ART1: variants seen among roughly 807,000 people sequenced by gnomAD.
ART1 encodes the protein GPI-linked NAD(P)(+)--arginine ADP-ribosyltransferase 1.
Under a neutral mutation model 27.0 loss-of-function variants are expected in ART1, and 29 were observed. The ratio of observed to expected loss-of-function variants is 1.08; its 90% CI spans 0.80 to 1.47. ART1 has a LOEUF of 1.47. ART1 is among the 40% of genes most tolerant of loss of function. ART1 has a pLI of 0.00. For missense variants in ART1, 480 were observed against 423.0 expected, an observed-to-expected ratio of 1.13 and a Z score of -1.18; for synonymous variants, 201 against 172.2, an observed-to-expected ratio of 1.17 and a Z score of -1.31.
At chr11:3,662,890 G>A (rs1041346978) in intron 4 of ART1, among the ~76,000 whole-genome samples, 2 of 152,146 alleles carry the variant, frequency 1.3e-5, no homozygotes, top group Non-Finnish European at 2.9e-5. Flanking sequence ...GTGCAGAGGA[G>A]AAGCAACTGG....
intron 1 of ART1, 144 bp downstream of exon 1, chr11:3,645,323 G>A (rs958937810): frequency 2.6e-5 from 4 of 152,180 alleles, no homozygotes; most frequent in African/African-American, 9.7e-5. Context: ...ACCTAGGAAG[G>A]TTGGGAGCCA....
rs1330525152 is a variant in ART1 at position 3,664,103 on chromosome 11, A to G, written c.898A>G (p.Ser300Gly). The G allele has an allele frequency of 1.9e-6, 3 of 1,613,626 alleles. No individual in the cohort carries two copies. The highest frequency in any genetic ancestry group is 1.3e-5 in the African/African-American group (1 of 74,902). The change falls in exon 5 of 5, where the codon AGC (serine) becomes GGC (glycine). Residue 300 changes from serine to glycine, a missense_variant. Physicochemically the swap from Ser to Gly is moderately conservative, Grantham distance 56 (BLOSUM62 0). Coordinates refer to ENST00000250693, the MANE Select transcript of ART1 (RefSeq NM_004314.3). ...CHLDNSAMGQ[S>G]PLSAVWSLLL... ...TGTTTTCCCTGCAGCCATGGGTCAG[A>G]GCCCCCTCTCTGCAGTCTGGTCTTT... is the stretch of plus-strand genomic sequence containing the variant.
intron 1 of ART1, among the ~76,000 whole-genome samples, chr11:3,650,746 G>A (rs2077514893): frequency 6.6e-6 from 1 of 151,456 alleles, no homozygotes; most frequent in Non-Finnish European, 1.5e-5. Context: ...CTATTCCTGG[G>A]CTACAGCCAC....
In ART1 at chr11:3,659,720, G is replaced by A. The variant is rs376176124; in HGVS notation, c.201G>A (p.Thr67=). The A allele has an allele frequency of 7.1e-5, 115 of 1,613,878 alleles. No homozygotes were observed. The highest frequency in any genetic ancestry group is 9.4e-5 in the Non-Finnish European group (111 of 1,180,004). Residue 67 remains threonine (T), a synonymous_variant, in exon 3 of 5, where the codon ACG becomes ACA. Coordinates refer to ENST00000250693, the MANE Select transcript of ART1 (RefSeq NM_004314.3). ...MTAALPDLNH[T]EFQANQVYAD... is the part of the protein sequence containing the mutation. Reference sequence around the variant, plus strand: ...CTGCTCTCCCGGATCTCAACCACACGGAGTTCCAGGCCAACCAGGTGTATG... The same window carrying A: ...CTGCTCTCCCGGATCTCAACCACACAGAGTTCCAGGCCAACCAGGTGTATG...
At chr11:3,653,863 T>C (rs1589919977) in intron 1 of ART1, among the ~76,000 whole-genome samples, 1 of 39,244 alleles carries the variant, frequency 2.5e-5, no homozygotes. Flanking sequence ...CCTCTGTCTA[T>C]CCTCACTGCC....
At chr11:3,652,004 C>T (rs1336145584) in intron 1 of ART1, among the ~76,000 whole-genome samples, 4 of 151,664 alleles carry the variant, frequency 2.6e-5, no homozygotes, top group Admixed American at 2.0e-4. Flanking sequence ...CTCTTAGAAC[C>T]TCTCATTTCC....
At position 3,656,571 on chromosome 11, in the gene ART1, G is replaced by T. The variant is rs187562895; in HGVS notation, c.-52-2591G>T. Reference sequence around the variant, plus strand: ...CTAATTTTTGTATTTTTGTGGAGATGGGGTTTCACCACGTTGGCCAGGCTG... The same window carrying T: ...CTAATTTTTGTATTTTTGTGGAGATTGGGTTTCACCACGTTGGCCAGGCTG... On this transcript the variant is annotated intron_variant, in intron 1 of 4. Coordinates refer to ENST00000250693, the MANE Select transcript of ART1 (RefSeq NM_004314.3). Among the ~76,000 whole-genome samples the T allele has an allele frequency of 3.9e-3, 587 of 152,020 alleles. 5 individuals are homozygous for T. Among genetic ancestry groups the T allele is most frequent in the Middle Eastern group, 0.021 (6 of 292 alleles).
chr11:3,651,632 A>G (rs918907511), intron 1 of ART1, among the ~76,000 whole-genome samples: 2 of 151,798 alleles, frequency 1.3e-5, no homozygotes, highest in Admixed American at 6.6e-5. Flanking sequence ...ATCACAAACT[A>G]TGCTTAGCTC....
intron 1 of ART1, among the ~76,000 whole-genome samples, chr11:3,653,084 C>T (rs150814173): frequency 1.2e-4 from 18 of 148,078 alleles, no homozygotes; most frequent in Admixed American, 1.2e-3. Context: ...CTCTCCCACT[C>T]GAGGTTCCCA....
chr11:3,660,348 T>C lies in ART1; in HGVS notation c.829T>C (p.Cys277Arg), dbSNP rs1287626462. 6.2e-7 allele frequency: 1 copy of C among 1,601,280 alleles called. No individual in the cohort carries two copies. Among genetic ancestry groups the C allele is most frequent in the Non-Finnish European group, 8.5e-7 (1 of 1,178,606 alleles). ...CCTGGGCAAGCACAGCACCTACAAC[T>C]GCGAGTACATCAAAGGTAGGAGGGC... ...RALGKHSTYN[C>R]EYIKDKKCKS... The change falls in exon 3 of 5, where the codon TGC becomes CGC. Residue 277 changes from cysteine to arginine, a missense_variant. Cys to Arg is a radical substitution (Grantham distance 180, BLOSUM62 -3). Coordinates refer to ENST00000250693, the MANE Select transcript of ART1 (RefSeq NM_004314.3).
Position 3,660,026 on chromosome 11 carries a change from G to C in ART1, c.507G>C (p.Gln169His), listed in dbSNP as rs2077606718. 6.2e-7 allele frequency: 1 copy of C among 1,613,736 alleles called. No individual in the cohort carries two copies. Among genetic ancestry groups the C allele is most frequent in the African/African-American group, 1.3e-5 (1 of 74,944 alleles). Reference protein sequence around the residue: ...TEALQLLGSGQRPPRCHQVFR... With the variant: ...TEALQLLGSGHRPPRCHQVFR... ...CCCTGCAGCTCCTGGGCAGCGGCCAGCGTCCACCCCGGTGCCACCAGGTGT... is the reference window on the plus strand; with the variant it reads ...CCCTGCAGCTCCTGGGCAGCGGCCACCGTCCACCCCGGTGCCACCAGGTGT... The change falls in exon 3 of 5, where the codon CAG becomes CAC. Residue 169 changes from glutamine (Q) to histidine (H), a missense_variant. Transcript: ENST00000250693.
At chr11:3,650,638 T>G (rs1195421676) in intron 1 of ART1, among the ~76,000 whole-genome samples, 24 of 152,148 alleles carry the variant, frequency 1.6e-4, no homozygotes, top group African/African-American at 5.6e-4. Context: ...AGTGCCAACT[T>G]AGACAATACT....
intron 1 of ART1, among the ~76,000 whole-genome samples, chr11:3,655,170 C>T (rs924211764): frequency 6.6e-6 from 1 of 152,160 alleles, no homozygotes; most frequent in Non-Finnish European, 1.5e-5. Flanking sequence ...CTGTTCCTCA[C>T]GTGTTCATTC....
chr11:3,660,145 C>T lies in ART1; in HGVS notation c.626C>T (p.Ala209Val), dbSNP rs761164939. 2 of 1,613,872 alleles carry T rather than the reference C, an allele frequency of 1.2e-6. No individual in the cohort carries two copies. The highest frequency in any genetic ancestry group is 3.3e-5 in the Admixed American group (2 of 60,006). ...GCTTCTGCCTCCCTGAAGCATGTTG[C>T]AGCCCAGCAGTTTGGTGAGGACACC... ...GFASASLKHV[A>V]AQQFGEDTFF... Residue 209 changes from alanine (A) to valine (V), a missense_variant, in exon 3 of 5, where the codon GCA (alanine) becomes GTA (valine). Coordinates refer to ENST00000250693, the MANE Select transcript of ART1 (RefSeq NM_004314.3).
intron 1 of ART1, chr11:3,655,779 G>C (rs1236205851): frequency 6.6e-6 from 1 of 152,104 alleles, no homozygotes; most frequent in Admixed American, 6.6e-5. Flanking sequence ...CACCAGTCCT[G>C]GGGCATGTGT....
intron 4 of ART1, among the ~76,000 whole-genome samples, chr11:3,663,373 C>A (rs935652421): frequency 6.6e-6 from 1 of 152,206 alleles, no homozygotes; most frequent in East Asian, 1.9e-4. Flanking sequence ...AGGATTTCTC[C>A]TTCTAGTCCA....
intron 1 of ART1, among the ~76,000 whole-genome samples, chr11:3,649,528 T>C (rs1401140218): frequency 2.0e-5 from 3 of 152,152 alleles, no homozygotes; most frequent in Non-Finnish European, 4.4e-5. Context: ...CGCTGAGTCT[T>C]TCTAATCTTC....
At chr11:3,658,764 C>G (rs2077594026) in intron 1 of ART1, among the ~76,000 whole-genome samples, 2 of 152,198 alleles carry the variant, frequency 1.3e-5, no homozygotes, top group African/African-American at 2.4e-5. Flanking sequence ...CTGTGGCTGT[C>G]AAGTCCTTTC....
chr11:3,660,362 A>G lies in ART1; in HGVS notation c.843A>G (p.Lys281=). ...GCACCTACAACTGCGAGTACATCAA[A>G]GGTAGGAGGGCAAGCGCTGGTCGGC... is the stretch of plus-strand genomic sequence containing the variant. ...KHSTYNCEYI[K]DKKCKSGPCH... The change falls in exon 3 of 5, where the codon AAA becomes AAG. Residue 281 remains lysine, a splice_region_variant and synonymous_variant. Coordinates refer to ENST00000250693, the MANE Select transcript of ART1 (RefSeq NM_004314.3). 6.3e-7 allele frequency: 1 copy of G among 1,597,712 alleles called. No individual in the cohort carries two copies. Among genetic ancestry groups the G allele is most frequent in the South Asian group, 1.1e-5 (1 of 91,008 alleles).
Sources: gnomAD v4.1 joint callset for allele counts (sites outside exome capture counted in the v4.1 genomes callset) on GRCh38, gnomAD v4.1.1 for gene constraint, MANE v1.5 for transcripts, NCBI Gene and HGNC (gene_info 2026-07-23, HGNC 2026-07-21) for gene names.